ARHGAP10: variants seen among roughly 807,000 people sequenced by gnomAD.
ARHGAP10 encodes Rho GTPase activating protein 10, also known as rho GTPase-activating protein 10.
Under a neutral mutation model 108.6 loss-of-function variants are expected in ARHGAP10, and 87 were observed. The ratio of observed to expected loss-of-function variants is 0.80; its 90% CI spans 0.67 to 0.96. The LOEUF (loss-of-function observed/expected upper bound fraction) is 0.96. ARHGAP10 is among the 40% of genes least tolerant of loss of function. The pLI, the probability that ARHGAP10 is intolerant of heterozygous loss-of-function variation, is 0.00. For missense variants in ARHGAP10, 939 were observed against 954.5 expected, an observed-to-expected ratio of 0.98 and a Z score of 0.21; for synonymous variants, 347 against 341.1, an observed-to-expected ratio of 1.02 and a Z score of -0.19.
At chr4:148,040,919 G>C (rs992367116) in intron 19 of ARHGAP10, among the ~76,000 whole-genome samples, 2 of 152,112 alleles carry the variant, frequency 1.3e-5, no homozygotes, top group African/African-American at 2.4e-5. Flanking sequence ...GAGTGTTTCT[G>C]TGTTATAATT....
intron 1 of ARHGAP10, among the ~76,000 whole-genome samples, chr4:147,807,900 C>T (rs536186663): frequency 2.4e-4 from 37 of 152,318 alleles, no homozygotes; most frequent in African/African-American, 8.2e-4. Context: ...TGAAGGTCCT[C>T]GTCCTCCTTT....
At chr4:147,801,394 G>A (rs1165497540) in intron 1 of ARHGAP10, among the ~76,000 whole-genome samples, 2 of 152,174 alleles carry the variant, frequency 1.3e-5, no homozygotes, top group Admixed American at 1.3e-4. Flanking sequence ...TTGCTGTGCT[G>A]TAATGCTCTG....
intron 19 of ARHGAP10, among the ~76,000 whole-genome samples, chr4:148,032,334 C>A (rs1461567045): frequency 2.3e-5 from 1 of 43,362 alleles, no homozygotes; most frequent in African/African-American, 1.5e-4. Flanking sequence ...CTGTCCCCCC[C>A]CCCCCCCCCC....
intron 1 of ARHGAP10, among the ~76,000 whole-genome samples, chr4:147,821,617 G>C (rs1246483860): frequency 6.6e-6 from 1 of 152,182 alleles, no homozygotes; most frequent in East Asian, 1.9e-4. Context: ...GGCTGTGCAC[G>C]TGGTGGAGCA....
intron 1 of ARHGAP10, among the ~76,000 whole-genome samples, chr4:147,796,291 A>G (rs763790912): frequency 2.6e-5 from 4 of 152,210 alleles, no homozygotes; most frequent in African/African-American, 2.4e-5. Flanking sequence ...TGGGGAATAT[A>G]TAATCTAGTG....
chr4:147,961,445 T>A (rs1738991520), intron 16 of ARHGAP10, among the ~76,000 whole-genome samples: 1 of 152,218 alleles, frequency 6.6e-6, no homozygotes, highest in South Asian at 2.1e-4. Flanking sequence ...ATGCTGTTTC[T>A]TATGTATATA....
chr4:147,755,988 AT>A (rs1451717769), intron 1 of ARHGAP10, among the ~76,000 whole-genome samples: 3 of 149,904 alleles, frequency 2.0e-5, no homozygotes, highest in Middle Eastern at 3.5e-3. Flanking sequence ...CCTGTTGGTA[AT>A]TTTTTTTTTC....
intron 20 of ARHGAP10, among the ~76,000 whole-genome samples, chr4:148,052,392 C>CTTTTTTTTTT (rs35449374): frequency 1.1e-5 from 1 of 90,710 alleles, no homozygotes; most frequent in African/African-American, 4.4e-5. Context: ...TGCACATTTG[C>CTTTTTTTTTT]TTTTTTTTTT....
At chr4:148,061,775 T>C (rs1220132443) in intron 20 of ARHGAP10, among the ~76,000 whole-genome samples, 1 of 152,194 alleles carries the variant, frequency 6.6e-6, no homozygotes, top group African/African-American at 2.4e-5. Flanking sequence ...GATGGCTCCA[T>C]GTCCCCGCCA....
At chr4:147,931,823 A>G (rs901924422) in intron 13 of ARHGAP10, among the ~76,000 whole-genome samples, 3 of 152,230 alleles carry the variant, frequency 2.0e-5, no homozygotes, top group South Asian at 2.1e-4. Context: ...AAAATTGACA[A>G]ATGGGATCTT....
intron 1 of ARHGAP10, among the ~76,000 whole-genome samples, chr4:147,787,399 A>G (rs1317580256): frequency 1.3e-5 from 2 of 152,038 alleles, no homozygotes. Context: ...GAGAAGATGA[A>G]GCTCATGAAG....
At chr4:147,783,117 ATATAT>A (rs1223405523) in intron 1 of ARHGAP10, among the ~76,000 whole-genome samples, 1 of 143,078 alleles carries the variant, frequency 7.0e-6, no homozygotes, top group African/African-American at 2.5e-5. Context: ...ATGTTAAATT[ATATAT>A]TATATAATTT....
chr4:147,923,307 G>C (rs927956815), intron 13 of ARHGAP10, among the ~76,000 whole-genome samples: 1 of 152,206 alleles, frequency 6.6e-6, no homozygotes, highest in African/African-American at 2.4e-5. Context: ...AAGTACAAAT[G>C]AGCCGCCCCC....
intron 16 of ARHGAP10, among the ~76,000 whole-genome samples, chr4:147,960,740 G>A (rs1007342431): frequency 7.9e-5 from 12 of 152,150 alleles, no homozygotes; most frequent in Non-Finnish European, 1.5e-4. Context: ...TGCTCATGTG[G>A]TCATTATCCA....
chr4:147,802,012 A>G (rs1731603557), intron 1 of ARHGAP10, among the ~76,000 whole-genome samples: 1 of 152,242 alleles, frequency 6.6e-6, no homozygotes, highest in South Asian at 2.1e-4. Flanking sequence ...TAGGCAGAGT[A>G]AATAGGACTA....
At chr4:147,881,958 G>A in intron 10 of ARHGAP10, 26 bp downstream of exon 10, 2 of 1,595,432 alleles carry the variant, frequency 1.3e-6, no homozygotes, top group Non-Finnish European at 1.7e-6. Flanking sequence ...TATTGGACAT[G>A]GTGAAAGAGT....
chr4:147,925,798 G>A (rs1032098361), intron 13 of ARHGAP10, among the ~76,000 whole-genome samples: 39 of 152,182 alleles, frequency 2.6e-4, no homozygotes, highest in Non-Finnish European at 5.9e-5. Flanking sequence ...AGTAGCTAGA[G>A]CAGTGCATTT....
At chr4:147,904,491 T>G (rs1186961107) in intron 10 of ARHGAP10, among the ~76,000 whole-genome samples, 1 of 152,048 alleles carries the variant, frequency 6.6e-6, no homozygotes, top group Non-Finnish European at 1.5e-5. Flanking sequence ...TGTTTGGTTT[T>G]TTGTCCTTGT....
At chr4:148,043,114 C>T (rs562242180) in intron 19 of ARHGAP10, among the ~76,000 whole-genome samples, 2 of 151,998 alleles carry the variant, frequency 1.3e-5, no homozygotes, top group Non-Finnish European at 2.9e-5. Flanking sequence ...TATATGATGG[C>T]GAAATGCAAA....
Sources: gnomAD v4.1 joint callset for allele counts (sites outside exome capture counted in the v4.1 genomes callset) on GRCh38, gnomAD v4.1.1 for gene constraint, MANE v1.5 for transcripts, NCBI Gene and HGNC (gene_info 2026-07-23, HGNC 2026-07-21) for gene names.